Variants in ZNF644 observed in about 807,000 individuals in gnomAD.
The protein encoded by ZNF644 is zinc finger motif enhancer binding protein 2.
Under a neutral mutation model 108.0 loss-of-function variants are expected in ZNF644, and 20 were observed. That is an observed-to-expected ratio of 0.19 (90% CI 0.13 to 0.27). ZNF644 has a LOEUF of 0.27. ZNF644 is among the 10% of genes least tolerant of loss of function. ZNF644 has a pLI of 1.00. For missense variants in ZNF644, 1,338 were observed against 1,548.9 expected (o/e 0.86, Z 2.29); for synonymous variants, 542 against 539.1 (o/e 1.01, Z -0.08).
intron 4 of ZNF644, 83 bp from the exon 5 acceptor site, chr1:90,918,237 C>G: frequency 2.7e-6 from 3 of 1,129,070 alleles, no homozygotes; most frequent in East Asian, 5.0e-5. Context: ...AGAGGTCAGA[C>G]AGACCATCTA....
At chr1:90,945,625 C>T (rs1652437114) in intron 2 of ZNF644, among the ~76,000 whole-genome samples, 1 of 152,062 alleles carries the variant, frequency 6.6e-6, no homozygotes, top group African/African-American at 2.4e-5. Flanking sequence ...GTGATAATTG[C>T]ATATTAACAT....
In ZNF644 at chr1:91,004,586, C is replaced by T. The variant is rs1460530204; in HGVS notation, c.-18+17404G>A. Among the ~76,000 whole-genome samples, 5 of 152,148 alleles carry T rather than the reference C, an allele frequency of 3.3e-5. No individual in the cohort carries two copies. The East Asian group carries it at 7.7e-4, about 23-fold the overall frequency. On this transcript the variant is annotated intron_variant, in intron 1 of 5. Coordinates refer to ENST00000337393, the MANE Select transcript of ZNF644 (RefSeq NM_201269.3). ...GAAATAAGGAGCATGGTGAAGGTAA[C>T]CACATAGGTAAATATAAAAGACAGT...
intron 2 of ZNF644, among the ~76,000 whole-genome samples, chr1:90,955,467 G>C (rs1459904783): frequency 6.6e-6 from 1 of 152,204 alleles, no homozygotes; most frequent in Non-Finnish European, 1.5e-5. Flanking sequence ...AAAATCTGTT[G>C]GTTAGTGTAG....
At chr1:90,918,950 C>A (rs938649813) in intron 4 of ZNF644, among the ~76,000 whole-genome samples, 1 of 151,508 alleles carries the variant, frequency 6.6e-6, no homozygotes, top group Non-Finnish European at 1.5e-5. Flanking sequence ...TTTTCTCCAA[C>A]TGCTTATTTT....
intron 1 of ZNF644, among the ~76,000 whole-genome samples, chr1:90,983,107 C>T (rs1423119226): frequency 6.6e-6 from 1 of 152,148 alleles, no homozygotes; most frequent in Non-Finnish European, 1.5e-5. Context: ...ATACCTGAAA[C>T]TAGCTTGTGA....
chr1:90,998,432 C>G (rs1658399613), intron 1 of ZNF644, among the ~76,000 whole-genome samples: 1 of 152,238 alleles, frequency 6.6e-6, no homozygotes, highest in Non-Finnish European at 1.5e-5. Context: ...CCCAGGCAAA[C>G]AGGGTCTGGA....
intron 2 of ZNF644, among the ~76,000 whole-genome samples, chr1:90,978,274 C>G (rs1446430331): frequency 6.6e-6 from 1 of 151,440 alleles, no homozygotes; most frequent in African/African-American, 2.4e-5. Context: ...AACGCATGAA[C>G]TCAGGAGGCG....
At chr1:90,972,499 C>T (rs933487755) in intron 2 of ZNF644, among the ~76,000 whole-genome samples, 4 of 152,172 alleles carry the variant, frequency 2.6e-5, no homozygotes, top group African/African-American at 9.7e-5. Flanking sequence ...GAAACAGGAA[C>T]ATTTGTGCAC....
rs530870119 is a variant in ZNF644 at position 90,967,993 on chromosome 1, G to A, written c.44+14317C>T. ...GGAGAATTGCTTGAATCTGGGAGGC[G>A]GAGGTTGCAGTGTGCCAAGATTGCA... On this transcript the variant is annotated intron_variant, in intron 2 of 5. Transcript: ENST00000337393. Among the ~76,000 whole-genome samples the A allele has an allele frequency of 2.1e-4, 32 of 149,202 alleles. No homozygotes were observed. The South Asian group carries it at 6.0e-3, about 28-fold the overall frequency.
intron 2 of ZNF644, among the ~76,000 whole-genome samples, chr1:90,948,436 C>T (rs1652740119): frequency 6.6e-6 from 1 of 152,178 alleles, no homozygotes; most frequent in African/African-American, 2.4e-5. Context: ...TAACTGGTGC[C>T]TTAACAGATT....
At chr1:90,952,660 G>A (rs188770091) in intron 2 of ZNF644, among the ~76,000 whole-genome samples, 142 of 152,222 alleles carry the variant, frequency 9.3e-4, no homozygotes, top group South Asian at 8.5e-3. Flanking sequence ...TATATTGAAT[G>A]AAGCAAGGGG....
intron 2 of ZNF644, among the ~76,000 whole-genome samples, chr1:90,970,586 A>C (rs1655350085): frequency 2.0e-5 from 3 of 152,130 alleles, no homozygotes; most frequent in African/African-American, 7.2e-5. Context: ...TCCAATCTAA[A>C]TGACTCTGGC....
chr1:90,954,356 T>C (rs1653515152), intron 2 of ZNF644, among the ~76,000 whole-genome samples: 1 of 152,154 alleles, frequency 6.6e-6, no homozygotes, highest in Admixed American at 6.5e-5. Flanking sequence ...CAACTTCTCA[T>C]CTGATCAGGT....
At chr1:90,982,503 CCATT>C in intron 1 of ZNF644, 133 bp from the exon 2 acceptor site, 1 of 643,376 alleles carries the variant, frequency 1.6e-6, no homozygotes, top group Non-Finnish European at 2.7e-6. Context: ...CATAAAAAAA[CCATT>C]CAACCAGAAT....
rs145171411 is a variant in ZNF644 at position 90,916,460 on chromosome 1, G to C, written c.*338C>G. 1 of 243,264 alleles carries C rather than the reference G, an allele frequency of 4.1e-6. No individual in the cohort carries two copies. Among genetic ancestry groups the C allele is most frequent in the African/African-American group, 2.3e-5 (1 of 43,728 alleles). 15.1% of individuals were successfully genotyped at this position (243,264 alleles called of 1,614,324 possible). On this transcript the variant is annotated 3_prime_UTR_variant, in exon 6 of 6. Transcript: ENST00000337393. ...GGGAATAAACAGAGCCTTGATTCTG[G>C]TAACACTGCAAAAAACATAATTGTC...
At chr1:91,007,339 G>A (rs554036089) in intron 1 of ZNF644, among the ~76,000 whole-genome samples, 4 of 140,528 alleles carry the variant, frequency 2.8e-5, no homozygotes, top group South Asian at 2.4e-4. Flanking sequence ...AGGTTCAAGC[G>A]ATTTGCTGGG....
chr1:90,988,834 G>A (rs13375946), intron 1 of ZNF644, among the ~76,000 whole-genome samples: 1,934 of 152,192 alleles, frequency 0.013, 38 homozygotes, highest in African/African-American at 0.044. Flanking sequence ...CAATATCCAC[G>A]TGAAAAAGAA....
At chr1:90,959,215 T>C (rs1654073073) in intron 2 of ZNF644, among the ~76,000 whole-genome samples, 2 of 152,186 alleles carry the variant, frequency 1.3e-5, no homozygotes, top group African/African-American at 4.8e-5. Flanking sequence ...TACCACTTCA[T>C]AACCATTAGA....
At chr1:90,961,535 A>G (rs993099013) in intron 2 of ZNF644, among the ~76,000 whole-genome samples, 3 of 152,144 alleles carry the variant, frequency 2.0e-5, no homozygotes, top group Admixed American at 2.0e-4. Flanking sequence ...AGTTTTCCAG[A>G]GGCTATATAA....
Sources: allele counts gnomAD v4.1 joint callset (sites outside exome capture counted in the v4.1 genomes callset), GRCh38; gene constraint gnomAD v4.1.1; transcripts MANE v1.5; gene names NCBI Gene and HGNC (gene_info 2026-07-23, HGNC 2026-07-21).